MAD1L1: variants seen among roughly 807,000 people sequenced by gnomAD.
MAD1L1 encodes the protein mitotic arrest deficient 1 like 1.
MAD1L1 carries 95 observed loss-of-function variants against 96.9 expected under a neutral mutation model. The observed-to-expected ratio is 0.98, with a 90% CI of 0.83 to 1.16. The LOEUF (loss-of-function observed/expected upper bound fraction) is 1.16, where lower values mean the gene tolerates loss of function less well. Among genes scored for constraint, MAD1L1 ranks in the 50% most tolerant of loss-of-function variants. MAD1L1 has a pLI of 0.00. For missense variants in MAD1L1, 1,007 were observed against 954.4 expected, an observed-to-expected ratio of 1.06 and a Z score of -0.73; for synonymous variants, 473 against 396.6, an observed-to-expected ratio of 1.19 and a Z score of -2.29.
chr7:2,037,243 A>G (rs1208122237), intron 12 of MAD1L1, among the ~76,000 whole-genome samples: 1 of 145,792 alleles, frequency 6.9e-6, no homozygotes, highest in Non-Finnish European at 1.5e-5. Context: ...GTTTAGATTT[A>G]GAAGAATGGA....
intron 12 of MAD1L1, among the ~76,000 whole-genome samples, chr7:2,017,165 G>T (rs939948): frequency 0.81 from 123,051 of 152,230 alleles, 52,458 homozygotes; most frequent in Non-Finnish European, 0.95. Context: ...CACGGTGTGG[G>T]TGTGACTTGC....
At chr7:1,905,823 G>A (rs145772767) in intron 17 of MAD1L1, among the ~76,000 whole-genome samples, 148 of 152,278 alleles carry the variant, frequency 9.7e-4, no homozygotes, top group African/African-American at 3.1e-3. Flanking sequence ...GCCAAAGCAG[G>A]CAGATTATCT....
At chr7:2,222,395 T>C (rs920096451) in intron 5 of MAD1L1, among the ~76,000 whole-genome samples, 180 bp downstream of exon 5, 40 of 152,170 alleles carry the variant, frequency 2.6e-4, no homozygotes, top group African/African-American at 8.2e-4. Context: ...TCTCAACTTT[T>C]TAACTGAAAA....
chr7:2,188,679 A>G (rs1223299329), intron 10 of MAD1L1, among the ~76,000 whole-genome samples: 1 of 152,250 alleles, frequency 6.6e-6, no homozygotes, highest in African/African-American at 2.4e-5. Context: ...ACAAAAAATT[A>G]ACCCAAAACA....
intron 12 of MAD1L1, among the ~76,000 whole-genome samples, chr7:2,067,940 C>T (rs908050042): frequency 6.6e-6 from 1 of 151,624 alleles, no homozygotes; most frequent in Non-Finnish European, 1.5e-5. Context: ...CACACATCCA[C>T]GCCACGTGCA....
At chr7:1,884,145 T>C (rs1171268141) in intron 18 of MAD1L1, among the ~76,000 whole-genome samples, 2 of 152,320 alleles carry the variant, frequency 1.3e-5, no homozygotes, top group South Asian at 2.1e-4. Flanking sequence ...CAGTCTCCAC[T>C]TGGGGCAGGG....
At chr7:1,887,520 CGT>C (rs773415180) in intron 18 of MAD1L1, among the ~76,000 whole-genome samples, 5 of 135,448 alleles carry the variant, frequency 3.7e-5, no homozygotes, top group East Asian at 2.3e-4. Context: ...GCTGCCTGTG[CGT>C]GTGTGTCTGC....
intron 12 of MAD1L1, among the ~76,000 whole-genome samples, chr7:2,030,206 G>A (rs776811149): frequency 5.3e-5 from 8 of 152,238 alleles, no homozygotes; most frequent in East Asian, 1.9e-4. Context: ...CCCGCCCCGC[G>A]CTCCACGGAA....
chr7:1,966,560 C>CAAAAAAA (rs199627043), intron 15 of MAD1L1, among the ~76,000 whole-genome samples: 10 of 9,286 alleles, frequency 1.1e-3, no homozygotes, highest in African/African-American at 1.9e-3. Flanking sequence ...CCAAACTTGG[C>CAAAAAAA]AAAAAAAAAA....
chr7:2,218,619 A>G (rs899003576), intron 6 of MAD1L1, among the ~76,000 whole-genome samples: 2 of 152,074 alleles, frequency 1.3e-5, no homozygotes, highest in East Asian at 3.9e-4. Context: ...CTTTCAACCT[A>G]GCCCTCAGCA....
At chr7:2,075,264 C>T (rs912707258) in intron 11 of MAD1L1, among the ~76,000 whole-genome samples, 2 of 152,176 alleles carry the variant, frequency 1.3e-5, no homozygotes, top group African/African-American at 2.4e-5. Context: ...TTTCAGACAC[C>T]GCCAACAAGT....
intron 14 of MAD1L1, among the ~76,000 whole-genome samples, chr7:1,982,427 C>T (rs959914029): frequency 1.5e-4 from 23 of 152,146 alleles, no homozygotes; most frequent in Admixed American, 1.5e-3. Context: ...GAGGCTGGTC[C>T]CGATCTCCTG....
chr7:2,225,212 ACGGCC>A (rs1793819933), intron 4 of MAD1L1, among the ~76,000 whole-genome samples, 193 bp downstream of exon 4: 2 of 151,720 alleles, frequency 1.3e-5, no homozygotes, highest in Non-Finnish European at 2.9e-5. Context: ...CTCATTTCCT[ACGGCC>A]TGGCAGGTAC....
intron 12 of MAD1L1, among the ~76,000 whole-genome samples, chr7:2,042,774 C>T (rs1437254985): frequency 1.8e-4 from 28 of 152,184 alleles, no homozygotes; most frequent in Non-Finnish European, 7.3e-5. Context: ...GAAGCAGATG[C>T]CGGCGCTGTG....
intron 17 of MAD1L1, among the ~76,000 whole-genome samples, chr7:1,906,911 C>T (rs989205865): frequency 2.6e-5 from 4 of 152,224 alleles, no homozygotes; most frequent in African/African-American, 4.8e-5. Context: ...AACACGTGTG[C>T]GTCTGTCCCT....
At chr7:2,028,729 A>G (rs1354608446) in intron 12 of MAD1L1, among the ~76,000 whole-genome samples, 1 of 152,220 alleles carries the variant, frequency 6.6e-6, no homozygotes, top group African/African-American at 2.4e-5. Context: ...GAACACACCA[A>G]CGAAACAATA....
At position 2,043,327 on chromosome 7, in the gene MAD1L1, G is replaced by A. The variant is rs757447519; in HGVS notation, c.1218+25867C>T. 1.3e-4 allele frequency among the ~76,000 whole-genome samples: 20 copies of A among 152,272 alleles called. 3 individuals are homozygous for A. The highest frequency in any genetic ancestry group is 7.2e-5 in the African/African-American group (3 of 41,536). On this transcript the variant is annotated intron_variant, in intron 12 of 18. Coordinates refer to ENST00000265854, the MANE Select transcript of MAD1L1 (RefSeq NM_001013836.2). ...CCCTCCTGACAGCGCAGTGCAGTGC[G>A]GCAGACACCCCTCATCCTCGGTGTC...
chr7:2,071,087 T>C (rs1461200931), intron 11 of MAD1L1, among the ~76,000 whole-genome samples: 1 of 151,132 alleles, frequency 6.6e-6, no homozygotes, highest in Admixed American at 6.6e-5. Flanking sequence ...TGGTGCTTTC[T>C]TGGGCGGTGG....
intron 11 of MAD1L1, among the ~76,000 whole-genome samples, chr7:2,121,830 C>T (rs1330309458): frequency 1.3e-5 from 2 of 151,998 alleles, no homozygotes; most frequent in Non-Finnish European, 2.9e-5. Flanking sequence ...GTGTCTGCCT[C>T]GCTCTCCACC....
Sources: gnomAD v4.1 joint callset for allele counts (sites outside exome capture counted in the v4.1 genomes callset) on GRCh38, gnomAD v4.1.1 for gene constraint, MANE v1.5 for transcripts, NCBI Gene and HGNC (gene_info 2026-07-23, HGNC 2026-07-21) for gene names.